Variants in DST observed in about 807,000 individuals in gnomAD.
DST encodes bullous pemphigoid antigen.
DST carries 253 observed loss-of-function variants against 875.2 expected under a neutral mutation model. The ratio of observed to expected loss-of-function variants is 0.29; its 90% confidence interval spans 0.26 to 0.32. DST has a LOEUF of 0.32. Ranked by LOEUF, DST falls within the 10% of genes least tolerant of loss-of-function variation. DST has a pLI of 1.00. For missense variants in DST, 8,287 were observed against 9,111.6 expected (o/e 0.91, Z 3.68); for synonymous variants, 3,124 against 3,197.1 (o/e 0.98, Z 0.77).
Position 56,598,502 on chromosome 6 carries a change from T to C in DST, c.11902A>G (p.Thr3968Ala), listed in dbSNP as rs887702345. 3 of 1,578,042 alleles carry C rather than the reference T, an allele frequency of 1.9e-6. No homozygotes were observed. The African/African-American group carries it at 4.1e-5, about 21-fold the overall frequency. The change falls in exon 46 of 104, where the codon ACA becomes GCA. Residue 3968 changes from threonine to alanine, a missense_variant. Transcript: ENST00000680361. Reference sequence around the variant, plus strand: ...TTTTCAGTTTCTTCCTTGATTGCTGTTGTCACAACTTTATCCAGCTCCTTT... The same window carrying C: ...TTTTCAGTTTCTTCCTTGATTGCTGCTGTCACAACTTTATCCAGCTCCTTT... ...SKKELDKVVTTAIKEETEKVA... is the reference protein window; with the variant it reads ...SKKELDKVVTAAIKEETEKVA...
intron 83 of DST, among the ~76,000 whole-genome samples, chr6:56,493,326 G>A (rs533316040): frequency 2.0e-5 from 3 of 152,040 alleles, no homozygotes; most frequent in South Asian, 2.1e-4. Context: ...ATTAATATAC[G>A]CTAAAGCATG....
chr6:56,692,297 A>C (rs1321339344), intron 9 of DST: 1 of 674,158 alleles, frequency 1.5e-6, no homozygotes, highest in Non-Finnish European at 2.1e-6. Flanking sequence ...CTAATATGAA[A>C]ATAACTTTAT....
chr6:56,787,005 T>C (rs1474657689), intron 4 of DST, among the ~76,000 whole-genome samples: 1 of 152,252 alleles, frequency 6.6e-6, no homozygotes, highest in Non-Finnish European at 1.5e-5. Flanking sequence ...ACAGGATTAT[T>C]AGTCACCATG....
intron 28 of DST, 127 bp downstream of exon 28, chr6:56,632,727 C>A: frequency 2.7e-6 from 2 of 750,960 alleles, no homozygotes; most frequent in South Asian, 3.1e-5. Context: ...ACCGTTCCAC[C>A]AATTGTGTCT....
chr6:56,577,061 A>G (rs771567741), intron 50 of DST, among the ~76,000 whole-genome samples: 1 of 152,142 alleles, frequency 6.6e-6, no homozygotes, highest in Non-Finnish European at 1.5e-5. Flanking sequence ...TAAGAATGTT[A>G]TTTTTTTAAA....
At position 56,786,241 on chromosome 6, in the gene DST, C is replaced by T. The variant is rs76255517; in HGVS notation, c.626-50952G>A. Among the ~76,000 whole-genome samples the T allele has an allele frequency of 0.014, 2,078 of 152,288 alleles. 130 individuals are homozygous for T. In the East Asian group the frequency reaches 0.2, roughly 15 times the overall value. On this transcript the variant is annotated intron_variant, in intron 4 of 103. Coordinates refer to ENST00000680361, the MANE Select transcript of DST (RefSeq NM_001374736.1). ...CCCATCTCCAAGTCTTGAATTGTTA[C>T]AAAATGTAGTCTTTATTGCTTTCAG...
chr6:56,471,356 T>C, intron 94 of DST, 88 bp from the exon 95 acceptor site: 2 of 966,636 alleles, frequency 2.1e-6, no homozygotes, highest in Middle Eastern at 2.3e-4. Context: ...AATGATTCTC[T>C]AGGTAGTACA....
intron 3 of DST, among the ~76,000 whole-genome samples, chr6:56,863,408 T>C (rs80144728): frequency 0.011 from 1,745 of 152,310 alleles, 41 homozygotes; most frequent in African/African-American, 0.04. Flanking sequence ...GACTTCCAAT[T>C]GTCTGTAAGT....
At chr6:56,888,305 C>A (rs1424712403) in intron 3 of DST, among the ~76,000 whole-genome samples, 1 of 152,034 alleles carries the variant, frequency 6.6e-6, no homozygotes, top group African/African-American at 2.4e-5. Flanking sequence ...GGAGGTACAG[C>A]AATATGTAGC....
At chr6:56,834,608 A>G (rs955424182) in intron 4 of DST, among the ~76,000 whole-genome samples, 1 of 152,126 alleles carries the variant, frequency 6.6e-6, no homozygotes. Flanking sequence ...AAAAAAAAAA[A>G]GATATTTACA....
intron 4 of DST, chr6:56,742,270 C>A: frequency 5.4e-6 from 7 of 1,286,240 alleles, no homozygotes; most frequent in Non-Finnish European, 7.1e-6. Context: ...ATACTACTAA[C>A]CCATACAGCA....
chr6:56,779,298 G>A (rs1373645034), intron 4 of DST, among the ~76,000 whole-genome samples: 1 of 152,052 alleles, frequency 6.6e-6, no homozygotes, highest in African/African-American at 2.4e-5. Context: ...TTTGTCAGAT[G>A]AGTAGATTGC....
At chr6:56,858,200 A>AG (rs911671906) in intron 3 of DST, among the ~76,000 whole-genome samples, 1 of 152,146 alleles carries the variant, frequency 6.6e-6, no homozygotes, top group Non-Finnish European at 1.5e-5. Context: ...GGTGAGAGGA[A>AG]GGGGGATCAG....
chr6:56,643,249 G>C (rs188423544), intron 15 of DST, among the ~76,000 whole-genome samples: 12 of 152,294 alleles, frequency 7.9e-5, no homozygotes, highest in Non-Finnish European at 1.5e-4. Flanking sequence ...TTCTGCAAAA[G>C]ACCAGGTCTG....
chr6:56,899,855 G>C (rs7762693), intron 3 of DST, among the ~76,000 whole-genome samples: 6,409 of 152,156 alleles, frequency 0.042, 449 homozygotes, highest in African/African-American at 0.15. Flanking sequence ...TGGCCAACAG[G>C]GCACCAGGTT....
intron 2 of DST, among the ~76,000 whole-genome samples, chr6:56,953,289 T>C (rs568498712): frequency 1.3e-5 from 2 of 152,304 alleles, no homozygotes; most frequent in African/African-American, 4.8e-5. Context: ...AAGCACACAC[T>C]ACCATCATCG....
chr6:56,946,843 G>T lies in DST; in HGVS notation c.216+6942C>A, dbSNP rs563177844. ...TAGGAGAGAAATTTTAAAGGAAGAAGTTGAAAAGTTGCTACATACATTTCA... is the reference window on the plus strand; with the variant it reads ...TAGGAGAGAAATTTTAAAGGAAGAATTTGAAAAGTTGCTACATACATTTCA... On this transcript the variant is annotated intron_variant, in intron 2 of 103. Transcript: ENST00000680361. Among the ~76,000 whole-genome samples the T allele has an allele frequency of 6.1e-4, 93 of 152,260 alleles. 3 individuals carry two copies. The South Asian group carries it at 0.019, about 31-fold the overall frequency.
intron 4 of DST, among the ~76,000 whole-genome samples, chr6:56,737,741 A>G (rs923247566): frequency 1.3e-5 from 2 of 152,224 alleles, no homozygotes; most frequent in Non-Finnish European, 2.9e-5. Context: ...ACTGGACAAC[A>G]CTGCTGTACA....
intron 5 of DST, among the ~76,000 whole-genome samples, chr6:56,733,188 G>T (rs2099509095): frequency 6.6e-6 from 1 of 152,096 alleles, no homozygotes; most frequent in Non-Finnish European, 1.5e-5. Context: ...ACAGCTACAG[G>T]ATTACCACAG....
Sources: allele counts gnomAD v4.1 joint callset (sites outside exome capture counted in the v4.1 genomes callset), GRCh38; gene constraint gnomAD v4.1.1; transcripts MANE v1.5; gene names NCBI Gene and HGNC (gene_info 2026-07-23, HGNC 2026-07-21).